KDM7A: variants seen among roughly 807,000 people sequenced by gnomAD.
KDM7A encodes lysine demethylase 7A, also known as lysine-specific demethylase 7A.
KDM7A carries 28 observed loss-of-function variants against 114.8 expected under a neutral mutation model. The observed-to-expected ratio is 0.24, with a 90% confidence interval of 0.18 to 0.33. The LOEUF is 0.33. KDM7A is among the 10% of genes least tolerant of loss of function. KDM7A has a pLI of 1.00. For missense variants in KDM7A, 942 were observed against 1,142.5 expected (o/e 0.82, Z 2.53); for synonymous variants, 423 against 397.8 (o/e 1.06, Z -0.75).
chr7:140,159,409 CA>C (rs58026416), intron 1 of KDM7A, among the ~76,000 whole-genome samples: 30,303 of 150,850 alleles, frequency 0.2, 3,767 homozygotes, highest in East Asian at 0.32. Context: ...GGCATGCTAA[CA>C]AAAAAAAATG....
At chr7:140,169,520 T>C (rs529986712) in intron 1 of KDM7A, among the ~76,000 whole-genome samples, 3 of 152,084 alleles carry the variant, frequency 2.0e-5, no homozygotes, top group Non-Finnish European at 4.4e-5. Flanking sequence ...CCCAAACTAA[T>C]GGGGTTTTTT....
In KDM7A at chr7:140,100,156, G is replaced by A. The variant is rs559287292; in HGVS notation, c.1639-133C>T. ...ATACAGGCAGCCACCTGGGCTTGGG[G>A]ATATGCAGCAGTATGGCACTCCAGA... is the stretch of plus-strand genomic sequence containing the variant. On this transcript the variant is annotated intron_variant, in intron 12 of 19. Coordinates refer to ENST00000397560, the MANE Select transcript of KDM7A (RefSeq NM_030647.2). 570 of 853,912 alleles carry A rather than the reference G, an allele frequency of 6.7e-4. 1 individual carries two copies. The highest frequency in any genetic ancestry group is 5.1e-3 in the Middle Eastern group (22 of 4,328). 52.9% of individuals were successfully genotyped at this position (853,912 alleles called of 1,614,324 possible).
Position 140,086,215 on chromosome 7 carries a change from T to C in KDM7A, c.*4879A>G, listed in dbSNP as rs769484927. ...TGGTAGCCAGGGTTTATTAGTGAAA[T>C]AGTGCAGAGCAGATAAACTTGGAAG... On this transcript the variant is annotated 3_prime_UTR_variant, in exon 20 of 20. Transcript: ENST00000397560. 5.3e-5 allele frequency: 8 copies of C among 152,190 alleles called. No homozygotes were observed. The highest frequency in any genetic ancestry group is 8.8e-5 in the Non-Finnish European group (6 of 68,050). 9.4% of individuals were successfully genotyped at this position (152,190 alleles called of 1,614,324 possible).
In KDM7A at chr7:140,093,921, T is replaced by C; in HGVS notation, c.2457+135A>G. The C allele has an allele frequency of 5.9e-6, 4 of 674,014 alleles. No homozygotes were observed. In the Admixed American group the frequency reaches 9.7e-5, roughly 16 times the overall value. 41.8% of individuals were successfully genotyped at this position (674,014 alleles called of 1,614,324 possible). On this transcript the variant is annotated intron_variant, in intron 18 of 19. Coordinates refer to ENST00000397560, the MANE Select transcript of KDM7A (RefSeq NM_030647.2). ...CTCAAAATGGACAGTTGTTCAAATG[T>C]GCATTTAACTGTAATTTTCTGGCTG...
At chr7:140,161,824 G>A (rs151014647) in intron 1 of KDM7A, among the ~76,000 whole-genome samples, 10 of 152,080 alleles carry the variant, frequency 6.6e-5, no homozygotes, top group East Asian at 1.9e-4. Context: ...GATTACAGGC[G>A]TGAGCCATTT....
chr7:140,108,072 G>A (rs199522992), intron 11 of KDM7A, among the ~76,000 whole-genome samples: 8 of 152,082 alleles, frequency 5.3e-5, no homozygotes, highest in East Asian at 1.9e-4. Context: ...ATCGGCTACC[G>A]AAGCTTGTGC....
intron 1 of KDM7A, among the ~76,000 whole-genome samples, chr7:140,175,301 T>G (rs986391248): frequency 6.6e-6 from 1 of 152,190 alleles, no homozygotes; most frequent in Non-Finnish European, 1.5e-5. Flanking sequence ...TGGTTTTCTC[T>G]CCCTGGACCA....
At chr7:140,163,007 T>G (rs1050811173) in intron 1 of KDM7A, among the ~76,000 whole-genome samples, 2 of 151,730 alleles carry the variant, frequency 1.3e-5, no homozygotes, top group African/African-American at 4.8e-5. Flanking sequence ...TTTTTTTTTT[T>G]TTTTTGAGAC....
chr7:140,159,026 TTTTGTTTG>T (rs967101713), intron 1 of KDM7A, among the ~76,000 whole-genome samples: 6 of 152,168 alleles, frequency 3.9e-5, no homozygotes, highest in African/African-American at 1.2e-4. Context: ...GAAAAGGGTT[TTTTGTTTG>T]TTTGTTTGTT....
intron 1 of KDM7A, among the ~76,000 whole-genome samples, chr7:140,166,223 A>AAGGAAG (rs1347546501): frequency 6.6e-6 from 1 of 152,140 alleles, no homozygotes; most frequent in Non-Finnish European, 1.5e-5. Context: ...TAATAGATCT[A>AAGGAAG]AGGAAGAAAA....
chr7:140,121,405 G>A (rs1165032194), intron 7 of KDM7A, among the ~76,000 whole-genome samples: 1 of 152,116 alleles, frequency 6.6e-6, no homozygotes, highest in Admixed American at 6.5e-5. Context: ...TCACTGAACT[G>A]TAACACAAAA....
chr7:140,120,598 C>G, intron 7 of KDM7A, 69 bp from the exon 8 acceptor site: 1 of 861,848 alleles, frequency 1.2e-6, no homozygotes, highest in Non-Finnish European at 2.0e-6. Flanking sequence ...GGATATCTAC[C>G]TGTGAAGTAA....
chr7:140,139,097 GTACT>G lies in KDM7A; in HGVS notation c.280+4_280+7del, dbSNP rs1330113277. 1.3e-6 allele frequency: 2 copies of G among 1,576,948 alleles called. No individual in the cohort carries two copies. The highest frequency in any genetic ancestry group is 2.7e-5 in the African/African-American group (2 of 74,054). On this transcript the variant is annotated splice_donor_5th_base_variant and intron_variant, in intron 2 of 19. Coordinates refer to ENST00000397560, the MANE Select transcript of KDM7A (RefSeq NM_030647.2). ...ATGTCCATTTTTATTTAAGCATCTA[GTACT>G]TACTCAAGGAGGAACCATGTAAAAC...
chr7:140,132,747 CA>C (rs1359437615), intron 3 of KDM7A, among the ~76,000 whole-genome samples: 1 of 152,116 alleles, frequency 6.6e-6, no homozygotes, highest in Non-Finnish European at 1.5e-5. Context: ...TATGTTTCTG[CA>C]TAAGGATTAA....
intron 4 of KDM7A, among the ~76,000 whole-genome samples, chr7:140,128,132 T>C (rs1678078356): frequency 6.6e-6 from 1 of 152,156 alleles, no homozygotes; most frequent in African/African-American, 2.4e-5. Context: ...AAAAAATTAG[T>C]GATTGGGAAG....
intron 18 of KDM7A, 198 bp from the exon 19 acceptor site, chr7:140,092,275 C>T (rs1818033308): frequency 1.7e-6 from 1 of 582,278 alleles, no homozygotes; most frequent in Non-Finnish European, 3.0e-6. Context: ...CTTTAAGTTG[C>T]ATCGTTAAGT....
chr7:140,176,621 G>A lies in KDM7A; in HGVS notation c.194+123C>T, dbSNP rs924159709. On this transcript the variant is annotated intron_variant, in intron 1 of 19. Transcript: ENST00000397560. This position sits in a 1 kb window ranked among gnomAD's most constrained non-coding sequence, Gnocchi z 4.4. ...GCCCGGCCGGGGGGCTAGGCACCGGGGCCCCCTGAAAGCTGGGCGCGGCGC... is the reference window on the plus strand; with the variant it reads ...GCCCGGCCGGGGGGCTAGGCACCGGAGCCCCCTGAAAGCTGGGCGCGGCGC... 9 of 697,158 alleles carry A rather than the reference G, an allele frequency of 1.3e-5. No individual in the cohort carries two copies. The highest frequency in any genetic ancestry group is 1.6e-5 in the Non-Finnish European group (9 of 566,940). The allele number at this position is 697,158 out of a possible 1,614,324, so 43.2% of individuals were successfully genotyped here.
At chr7:140,154,487 G>C (rs1794436512) in intron 1 of KDM7A, among the ~76,000 whole-genome samples, 1 of 128,564 alleles carries the variant, frequency 7.8e-6, no homozygotes, top group East Asian at 2.3e-4. Flanking sequence ...GTAAGACTCT[G>C]TCTCTTAAAA....
At position 140,113,505 on chromosome 7, in the gene KDM7A, A is replaced by G; in HGVS notation, c.1324T>C (p.Trp442Arg). The change falls in exon 10 of 20, where the codon TGG (tryptophan) becomes CGG (arginine). Residue 442 changes from tryptophan (W) to arginine (R), a missense_variant. Transcript: ENST00000397560. ...AAACAACTTACTTCTTTTTTCATCC[A>G]TAATTTTAAAGCAGTATGCAGTGCT... ...VKALHTALKL[W>R]MKKELVSEHA... The G allele has an allele frequency of 3.2e-6, 5 of 1,580,940 alleles. No homozygotes were observed. Among genetic ancestry groups the G allele is most frequent in the Non-Finnish European group, 4.3e-6 (5 of 1,156,760 alleles).
Sources: allele counts gnomAD v4.1 joint callset (sites outside exome capture counted in the v4.1 genomes callset), GRCh38; gene constraint gnomAD v4.1.1; non-coding constraint Gnocchi (gnomAD v3.1); transcripts MANE v1.5; gene names NCBI Gene and HGNC (gene_info 2026-07-23, HGNC 2026-07-21).